The following PBX1 variants were observed in gnomAD, a reference collection of about 807,000 sequenced individuals.
The protein encoded by PBX1 is pre-B-cell leukemia transcription factor 1.
Under a neutral mutation model 53.4 loss-of-function variants are expected in PBX1, and 6 were observed. That is an observed-to-expected ratio of 0.11 (90% confidence interval 0.06 to 0.22). The LOEUF (loss-of-function observed/expected upper bound fraction) is 0.22. Ranked by LOEUF, PBX1 falls within the 10% of genes least tolerant of loss-of-function variation. The pLI is 1.00. For missense variants in PBX1, 251 were observed against 551.4 expected (o/e 0.46, Z 5.46); for synonymous variants, 204 against 212.3 (o/e 0.96, Z 0.34).
At chr1:164,603,928 C>CTTTTTTTTTTT (rs1557885817) in intron 2 of PBX1, among the ~76,000 whole-genome samples, 1 of 48,730 alleles carries the variant, frequency 2.1e-5, no homozygotes, top group Non-Finnish European at 3.7e-5. Flanking sequence ...TATGTCATTT[C>CTTTTTTTTTTT]ATTTTTTTTT....
chr1:164,785,545 GT>G (rs1459600970), intron 2 of PBX1, among the ~76,000 whole-genome samples: 1 of 152,184 alleles, frequency 6.6e-6, no homozygotes, highest in African/African-American at 2.4e-5. Flanking sequence ...CAGATTTTCA[GT>G]TGTTATCCAC....
intron 8 of PBX1, among the ~76,000 whole-genome samples, chr1:164,830,538 T>A (rs1670702506): frequency 6.6e-6 from 1 of 152,228 alleles, no homozygotes; most frequent in Non-Finnish European, 1.5e-5. Context: ...ATTTAAAATA[T>A]AAATATAGAA....
intron 2 of PBX1, among the ~76,000 whole-genome samples, chr1:164,621,695 A>G (rs983033232): frequency 3.3e-5 from 5 of 152,184 alleles, no homozygotes; most frequent in African/African-American, 9.7e-5. Context: ...CATTTAGCCA[A>G]TGGAGTTTCT....
Position 164,559,886 on chromosome 1 carries a change from C to T in PBX1, c.64C>T (p.Leu22=), listed in dbSNP as rs1436664266. ...AGVGMAGHPG[L]SQHLQDGAGG... is the part of the protein sequence containing the mutation. ...GGTCGGGATGGCCGGACACCCCGGC[C>T]TGTCCCAGCACTTGCAGGATGGGGC... Residue 22 remains leucine (L), a synonymous_variant, in exon 1 of 9, where the codon CTG becomes TTG. Transcript: ENST00000420696. 2.6e-6 allele frequency: 4 copies of T among 1,550,250 alleles called. No individual in the cohort carries two copies. Among genetic ancestry groups the T allele is most frequent in the Non-Finnish European group, 3.5e-6 (4 of 1,146,632 alleles).
At chr1:164,854,649 C>A (rs563295655), downstream of PBX1, among the ~76,000 whole-genome samples, 7 of 151,974 alleles carry the variant, frequency 4.6e-5, no homozygotes, top group African/African-American at 1.7e-4. Context: ...CAGCCTTAGG[C>A]AGACTTCTGA....
At chr1:164,736,876 C>A (rs577789151) in intron 2 of PBX1, among the ~76,000 whole-genome samples, 12 of 152,300 alleles carry the variant, frequency 7.9e-5, no homozygotes, top group African/African-American at 2.6e-4. Flanking sequence ...GCTAGAGTTT[C>A]ACTCTATTAA....
At chr1:164,873,346 A>C (rs1246223853) in intron 2 of PBX1, among the ~76,000 whole-genome samples, 4 of 152,226 alleles carry the variant, frequency 2.6e-5, no homozygotes, top group Non-Finnish European at 5.9e-5. Context: ...TATCCTAAGA[A>C]GTAGAGGACT....
intron 2 of PBX1, among the ~76,000 whole-genome samples, chr1:164,579,458 G>A (rs1427101453): frequency 6.6e-6 from 1 of 152,102 alleles, no homozygotes; most frequent in Non-Finnish European, 1.5e-5. Context: ...TCCGTGTGAT[G>A]TCTTTCTCAC....
chr1:164,687,561 TAAAAAAAAAAAAA>T (rs5778407), intron 2 of PBX1, among the ~76,000 whole-genome samples: 2 of 110,490 alleles, frequency 1.8e-5, no homozygotes, highest in Non-Finnish European at 3.5e-5. Flanking sequence ...AGACCTTGTC[TAAAAAAAAAAAAA>T]AAAAAAAAAG....
intron 2 of PBX1, among the ~76,000 whole-genome samples, chr1:164,600,128 A>C (rs1185396751): frequency 7.6e-6 from 1 of 131,378 alleles, no homozygotes; most frequent in Non-Finnish European, 1.7e-5. Context: ...GAGTATAATT[A>C]TGGGAAAATT....
intron 2 of PBX1, among the ~76,000 whole-genome samples, chr1:164,708,374 G>A (rs1201847267): frequency 4.3e-5 from 1 of 23,114 alleles, no homozygotes; most frequent in Non-Finnish European, 9.0e-5. Context: ...CACATATATA[G>A]TCTTTTTTTA....
intron 3 of PBX1, among the ~76,000 whole-genome samples, chr1:164,793,229 G>A (rs1055121615): frequency 6.6e-6 from 1 of 152,124 alleles, no homozygotes; most frequent in Non-Finnish European, 1.5e-5. Context: ...CTTGGCCCTA[G>A]AGTCCCTCAC....
chr1:164,626,219 A>G (rs990396806), intron 2 of PBX1: 6 of 464,520 alleles, frequency 1.3e-5, no homozygotes, highest in Non-Finnish European at 1.4e-5. Context: ...CCACACATCT[A>G]TCTTGATGGC....
At chr1:164,667,266 A>T (rs952327106) in intron 2 of PBX1, among the ~76,000 whole-genome samples, 16 of 152,144 alleles carry the variant, frequency 1.1e-4, no homozygotes, top group African/African-American at 3.6e-4. Context: ...GCAATGAGCT[A>T]AGTAAAAAAC....
intron 2 of PBX1, among the ~76,000 whole-genome samples, chr1:164,709,889 C>T (rs918003624): frequency 2.0e-5 from 3 of 152,086 alleles, no homozygotes; most frequent in African/African-American, 7.2e-5. Context: ...TGCATCCAGT[C>T]CCTGTTAATC....
chr1:164,662,623 A>T (rs1660550659), intron 2 of PBX1, among the ~76,000 whole-genome samples: 1 of 152,042 alleles, frequency 6.6e-6, no homozygotes, highest in Non-Finnish European at 1.5e-5. Flanking sequence ...CCCCTGTAGG[A>T]TTCAGGAGTG....
intron 2 of PBX1, among the ~76,000 whole-genome samples, chr1:164,860,182 A>G (rs1206860576): frequency 6.6e-6 from 1 of 152,164 alleles, no homozygotes; most frequent in African/African-American, 2.4e-5. Flanking sequence ...AAACCTTCTC[A>G]AGTCTGGATT....
chr1:164,573,648 C>T (rs1384857562), intron 2 of PBX1, among the ~76,000 whole-genome samples: 4 of 152,024 alleles, frequency 2.6e-5, no homozygotes, highest in African/African-American at 9.7e-5. Context: ...CCTGCCACTA[C>T]ACACCCTGCT....
At chr1:164,879,227 C>T (rs56378952) in intron 2 of PBX1, among the ~76,000 whole-genome samples, 54,379 of 151,954 alleles carry the variant, frequency 0.36, 11,910 homozygotes, top group East Asian at 0.56. Context: ...GGTGAACAAA[C>T]ATTTATTTGC....
Sources: gnomAD v4.1 joint callset for allele counts (sites outside exome capture counted in the v4.1 genomes callset) on GRCh38, gnomAD v4.1.1 for gene constraint, MANE v1.5 for transcripts, NCBI Gene and HGNC (gene_info 2026-07-23, HGNC 2026-07-21) for gene names.